The following SEL1L variants were observed in gnomAD, a reference collection of about 807,000 sequenced individuals.
SEL1L encodes protein sel-1 homolog 1.
SEL1L carries 52 observed loss-of-function variants against 109.8 expected under a neutral mutation model. The ratio of observed to expected loss-of-function variants is 0.47; its 90% CI spans 0.38 to 0.60. The LOEUF (loss-of-function observed/expected upper bound fraction) is 0.60. Among genes scored for constraint, SEL1L ranks in the 20% least tolerant of loss-of-function variants. SEL1L has a pLI of 0.00. For synonymous variants in SEL1L, 373 were observed against 339.6 expected, an observed-to-expected ratio of 1.10 and a Z score of -1.08; for missense variants, 749 against 962.2, an observed-to-expected ratio of 0.78 and a Z score of 2.93.
rs762562231 is a variant in SEL1L, at chr14:81,499,968, C to T, written c.778-306G>A. ...TCATCCAGGCTGGAGTGCAATGGCA[C>T]GATCCTGGCTCACTGCAACCTTCGC... On this transcript the variant is annotated intron_variant, in intron 6 of 20. Coordinates refer to ENST00000336735, the MANE Select transcript of SEL1L (RefSeq NM_005065.6). Among the ~76,000 whole-genome samples, 195 of 145,500 alleles carry T rather than the reference C, an allele frequency of 1.3e-3. 3 individuals are homozygous for T. Among genetic ancestry groups the T allele is most frequent in the Non-Finnish European group, 3.3e-4 (22 of 67,260 alleles).
chr14:81,505,849 A>G (rs540936621), intron 4 of SEL1L, among the ~76,000 whole-genome samples: 1 of 152,326 alleles, frequency 6.6e-6, no homozygotes, highest in East Asian at 1.9e-4. Context: ...GTGTATACCA[A>G]TGGAAAACCA....
At chr14:81,530,101 A>G (rs1254867812) in intron 1 of SEL1L, among the ~76,000 whole-genome samples, 2 of 152,286 alleles carry the variant, frequency 1.3e-5, no homozygotes, top group African/African-American at 4.8e-5. Flanking sequence ...TACCAGAGAT[A>G]TGCTTTCAGG....
At chr14:81,479,153 A>C (rs1258061702) in intron 20 of SEL1L, 1 of 152,278 alleles carries the variant, frequency 6.6e-6, no homozygotes, top group African/African-American at 2.4e-5. Context: ...CTATTTTTAG[A>C]GAAGAAAATT....
At chr14:81,510,472 A>ATCTTTC (rs1555346552) in intron 3 of SEL1L, among the ~76,000 whole-genome samples, 9 of 118,928 alleles carry the variant, frequency 7.6e-5, no homozygotes, top group African/African-American at 2.8e-4. Context: ...TAGAATGCTG[A>ATCTTTC]TCTCTCTCTC....
In SEL1L at chr14:81,472,541, C is replaced by A; in HGVS notation, c.*4431G>T. On this transcript the variant is annotated 3_prime_UTR_variant, in exon 21 of 21. Coordinates refer to ENST00000336735, the MANE Select transcript of SEL1L (RefSeq NM_005065.6). ...CAGAGCATATTTAGTCTAAATGTTA[C>A]TGTGTGGTACGTGTCTCTGCAAGTC... is the stretch of plus-strand genomic sequence containing the variant. 2.3e-6 allele frequency: 1 copy of A among 430,622 alleles called. No individual in the cohort carries two copies. Among genetic ancestry groups the A allele is most frequent in the Non-Finnish European group, 4.5e-6 (1 of 221,174 alleles). 26.7% of individuals were successfully genotyped at this position (430,622 alleles called of 1,614,324 possible).
intron 3 of SEL1L, among the ~76,000 whole-genome samples, chr14:81,521,543 G>C (rs1040188475): frequency 6.6e-6 from 1 of 152,174 alleles, no homozygotes; most frequent in Admixed American, 6.5e-5. Flanking sequence ...GGTCCCATAA[G>C]ATTATATCGC....
intron 9 of SEL1L, 53 bp from the exon 10 acceptor site, chr14:81,498,099 C>G (rs902094805): frequency 6.5e-7 from 1 of 1,546,500 alleles, no homozygotes; most frequent in Non-Finnish European, 8.8e-7. Context: ...AGAATTGTTC[C>G]AGAGAGAGAG....
chr14:81,486,455 C>T lies in SEL1L; in HGVS notation c.1633-1G>A. ...CTCGTTCACATACATTCTTAAACAA[C>T]TGTGTGAGGTGGGGAAAAAAAATAT... On this transcript the variant is annotated splice_acceptor_variant, in intron 16 of 20. Transcript: ENST00000336735. LOFTEE classifies it high-confidence loss of function. 6.2e-7 allele frequency: 1 copy of T among 1,612,436 alleles called. No individual in the cohort carries two copies. The highest frequency in any genetic ancestry group is 8.5e-7 in the Non-Finnish European group (1 of 1,179,186).
intron 3 of SEL1L, among the ~76,000 whole-genome samples, chr14:81,516,759 C>T (rs1417422482): frequency 3.3e-5 from 5 of 152,120 alleles, no homozygotes; most frequent in African/African-American, 1.2e-4. Context: ...AACAAGCCTC[C>T]CTGGTAGACA....
At chr14:81,507,615 A>G (rs975402544) in intron 3 of SEL1L, among the ~76,000 whole-genome samples, 1 of 151,984 alleles carries the variant, frequency 6.6e-6, no homozygotes, top group African/African-American at 2.4e-5. Flanking sequence ...AAAACAGCAA[A>G]AACAAAAAAT....
intron 1 of SEL1L, among the ~76,000 whole-genome samples, chr14:81,531,426 T>C (rs1047007231): frequency 2.0e-5 from 3 of 152,186 alleles, no homozygotes; most frequent in Non-Finnish European, 2.9e-5. Context: ...AAACACAAAA[T>C]TATAACCAAA....
At chr14:81,507,223 T>G (rs183057218) in intron 3 of SEL1L, among the ~76,000 whole-genome samples, 39 of 152,316 alleles carry the variant, frequency 2.6e-4, no homozygotes, top group Admixed American at 9.1e-4. Context: ...TGAAAAGTTT[T>G]GCATAGGAGT....
chr14:81,504,697 ATC>A (rs1884164666), intron 4 of SEL1L, among the ~76,000 whole-genome samples: 1 of 151,840 alleles, frequency 6.6e-6, no homozygotes, highest in African/African-American at 2.4e-5. Flanking sequence ...GGTGATTACA[ATC>A]TCTCTCACCT....
At chr14:81,501,430 G>A (rs1042080029) in intron 6 of SEL1L, among the ~76,000 whole-genome samples, 1 of 152,064 alleles carries the variant, frequency 6.6e-6, no homozygotes, top group African/African-American at 2.4e-5. Flanking sequence ...CTGAAAATAA[G>A]AATATATATG....
At chr14:81,485,319 A>C (rs563755333) in intron 18 of SEL1L, among the ~76,000 whole-genome samples, 3 of 152,220 alleles carry the variant, frequency 2.0e-5, no homozygotes, top group Non-Finnish European at 4.4e-5. Context: ...TCTGTCGCCC[A>C]GGCTGGAGTG....
intron 19 of SEL1L, among the ~76,000 whole-genome samples, chr14:81,480,045 C>T (rs961547169): frequency 2.0e-5 from 3 of 152,290 alleles, no homozygotes; most frequent in Middle Eastern, 3.4e-3. Flanking sequence ...TTTCCAAGGG[C>T]GACTTCTGAA....
At chr14:81,503,882 A>G (rs1237241047) in intron 5 of SEL1L, among the ~76,000 whole-genome samples, 2 of 152,214 alleles carry the variant, frequency 1.3e-5, no homozygotes, top group East Asian at 3.8e-4. Context: ...CGTACTTGAC[A>G]ACAATTCTTT....
chr14:81,499,451 C>T lies in SEL1L; in HGVS notation c.891+8G>A. 6.2e-7 allele frequency: 1 copy of T among 1,609,062 alleles called. No individual in the cohort carries two copies. The highest frequency in any genetic ancestry group is 8.5e-7 in the Non-Finnish European group (1 of 1,178,706). ...AATATTATTAGCCTTCCACTAAAGTCTACTTACCAAAACCATGTGGGCTAT... is the reference window on the plus strand; with the variant it reads ...AATATTATTAGCCTTCCACTAAAGTTTACTTACCAAAACCATGTGGGCTAT... On this transcript the variant is annotated splice_region_variant and intron_variant, in intron 8 of 20. Transcript: ENST00000336735.
intron 5 of SEL1L, 78 bp from the exon 6 acceptor site, chr14:81,502,961 C>G: frequency 8.8e-7 from 1 of 1,137,870 alleles, no homozygotes; most frequent in Non-Finnish European, 1.2e-6. Context: ...TACTAAAACG[C>G]AACATAAATA....
Sources: allele counts gnomAD v4.1 joint callset (sites outside exome capture counted in the v4.1 genomes callset), GRCh38; gene constraint gnomAD v4.1.1; transcripts MANE v1.5; gene names NCBI Gene and HGNC (gene_info 2026-07-23, HGNC 2026-07-21).